Variants in MARCO observed in about 807,000 individuals in gnomAD.
MARCO encodes the protein macrophage receptor MARCO.
A neutral mutation model predicts 70.0 loss-of-function variants in MARCO; 72 were observed. That is an observed-to-expected ratio of 1.03 (90% CI 0.85 to 1.25). MARCO has a LOEUF of 1.25. Ranked by LOEUF, MARCO falls within the 50% of genes most tolerant of loss-of-function variation. The probability of loss-of-function intolerance (pLI) is 0.00; values close to 1 mark genes in which losing one functional copy is unlikely to be tolerated. For synonymous variants in MARCO, 273 were observed against 243.1 expected (o/e 1.12, Z -1.14); for missense variants, 696 against 659.3 (o/e 1.06, Z -0.61).
At chr2:118,992,504 G>A in intron 15 of MARCO, 28 bp downstream of exon 15, 1 of 1,579,166 alleles carries the variant, frequency 6.3e-7, no homozygotes, top group Non-Finnish European at 8.7e-7. Context: ...TATCTTTAAT[G>A]TGTGCTTTAA....
At chr2:118,981,772 G>C in intron 10 of MARCO, 116 bp downstream of exon 10, 4 of 1,121,188 alleles carry the variant, frequency 3.6e-6, no homozygotes, top group Non-Finnish European at 5.3e-6. Flanking sequence ...CAGAACACCT[G>C]GGGTTTTTTA....
intron 1 of MARCO, among the ~76,000 whole-genome samples, chr2:118,965,744 T>A (rs1258138546): frequency 1.3e-5 from 2 of 152,232 alleles, no homozygotes; most frequent in Non-Finnish European, 2.9e-5. Context: ...CCTACTTGTG[T>A]GGGCTATGGT....
chr2:118,991,667 G>A (rs1680623296), intron 13 of MARCO, 110 bp from the exon 14 acceptor site: 1 of 612,412 alleles, frequency 1.6e-6, no homozygotes, highest in African/African-American at 1.9e-5. Flanking sequence ...CCCAGCCATG[G>A]GGGAGGTCTG....
At chr2:118,942,727 T>A (rs114358741) in intron 1 of MARCO, among the ~76,000 whole-genome samples, 2 of 152,172 alleles carry the variant, frequency 1.3e-5, no homozygotes, top group Admixed American at 6.5e-5. Context: ...GGTTGGGTGA[T>A]ACAATGAAAA....
intron 1 of MARCO, among the ~76,000 whole-genome samples, chr2:118,946,479 C>T (rs898069873): frequency 6.6e-6 from 1 of 152,028 alleles, no homozygotes; most frequent in Non-Finnish European, 1.5e-5. Flanking sequence ...TCCTTTGAAA[C>T]CCATCCAAGT....
chr2:118,990,718 A>G (rs753415056), intron 13 of MARCO, 85 bp downstream of exon 13: 2 of 1,338,078 alleles, frequency 1.5e-6, no homozygotes, highest in South Asian at 1.2e-5. Context: ...TTGACATTGA[A>G]TGCACAGCTG....
chr2:118,977,417 C>T, intron 6 of MARCO, 54 bp from the exon 7 acceptor site: 1 of 1,414,298 alleles, frequency 7.1e-7, no homozygotes, highest in Middle Eastern at 1.8e-4. Context: ...TGATTAAAGA[C>T]ATTTTAGACA....
rs1680067784 is a variant in MARCO at position 118,967,177 on chromosome 2, G to A, written c.98-1983G>A. ...AAACAGAGTGATGTGGGAGAGCCAA[G>A]GGGGGTTCCACCCAGCCCAGAGGAA... On this transcript the variant is annotated intron_variant, in intron 1 of 16. Transcript: ENST00000327097. Among the ~76,000 whole-genome samples the A allele has an allele frequency of 2.0e-5, 3 of 152,264 alleles. No homozygotes were observed. In the South Asian group the frequency reaches 6.2e-4, roughly 32 times the overall value.
intron 6 of MARCO, 33 bp downstream of exon 6, chr2:118,974,598 C>G (rs371901066): frequency 3.1e-5 from 49 of 1,602,178 alleles, no homozygotes; most frequent in Non-Finnish European, 3.8e-5. Flanking sequence ...CCCAGAAATA[C>G]ACAGCAAGTT....
intron 1 of MARCO, among the ~76,000 whole-genome samples, chr2:118,967,118 C>T (rs1009933972): frequency 2.6e-5 from 4 of 152,208 alleles, no homozygotes; most frequent in Non-Finnish European, 5.9e-5. Flanking sequence ...GAGACAAAAA[C>T]ACAATCCAGG....
chr2:118,964,044 G>A (rs1055001486), intron 1 of MARCO, among the ~76,000 whole-genome samples: 1 of 151,994 alleles, frequency 6.6e-6, no homozygotes, highest in Non-Finnish European at 1.5e-5. Flanking sequence ...TCTACTTATT[G>A]CAATATACAT....
chr2:118,971,630 C>A, intron 4 of MARCO, 96 bp downstream of exon 4: 1 of 1,197,702 alleles, frequency 8.3e-7, no homozygotes, highest in Non-Finnish European at 1.2e-6. Flanking sequence ...GGACAGCTGA[C>A]CCTAGCTTAC....
rs180941755 is a variant in MARCO, at chr2:118,982,525, G to T, written c.1063+115G>T. ...GAGGCAGAGGGTCTTCTGTGCCTTG[G>T]CCTCTGAGGTTCCTGGTTATGGGGG... On this transcript the variant is annotated intron_variant, in intron 12 of 16. Coordinates refer to ENST00000327097, the MANE Select transcript of MARCO (RefSeq NM_006770.4). 4.9e-6 allele frequency: 5 copies of T among 1,010,390 alleles called. No individual in the cohort carries two copies. The Admixed American group carries it at 9.2e-5, about 19-fold the overall frequency. 62.6% of individuals were successfully genotyped at this position (1,010,390 alleles called of 1,614,324 possible).
At chr2:118,968,613 C>G (rs908990875) in intron 1 of MARCO, among the ~76,000 whole-genome samples, 23 of 152,078 alleles carry the variant, frequency 1.5e-4, no homozygotes, top group African/African-American at 5.6e-4. Flanking sequence ...TTGTCATGCC[C>G]TGTACATTAT....
At chr2:118,977,777 T>A (rs771012595) in intron 7 of MARCO, 51 bp from the exon 8 acceptor site, 12 of 1,416,526 alleles carry the variant, frequency 8.5e-6, no homozygotes, top group Non-Finnish European at 1.2e-5. Context: ...TCTGGTAGCC[T>A]GTCCCCAAAA....
intron 12 of MARCO, among the ~76,000 whole-genome samples, chr2:118,988,855 G>A (rs1680563447): frequency 6.6e-6 from 1 of 152,136 alleles, no homozygotes; most frequent in South Asian, 2.1e-4. Context: ...CTCCCCACCT[G>A]GAGGGGACAC....
At chr2:118,980,853 G>A (rs1680375187) in intron 8 of MARCO, among the ~76,000 whole-genome samples, 1 of 152,192 alleles carries the variant, frequency 6.6e-6, no homozygotes, top group Non-Finnish European at 1.5e-5. Context: ...CAAGAGAGGA[G>A]GGAGCGACAG....
chr2:118,947,677 T>A (rs917635101), intron 1 of MARCO, among the ~76,000 whole-genome samples: 1 of 152,220 alleles, frequency 6.6e-6, no homozygotes, highest in Non-Finnish European at 1.5e-5. Flanking sequence ...CATTCTTTAT[T>A]CTATTCCAGT....
In MARCO at chr2:118,981,407, A is replaced by G. The variant is rs1680386034; in HGVS notation, c.767-2A>G. On this transcript the variant is annotated splice_acceptor_variant, in intron 8 of 16. Coordinates refer to ENST00000327097, the MANE Select transcript of MARCO (RefSeq NM_006770.4). LOFTEE classifies it high-confidence loss of function. ...ACTAACCAAGACTTTTTGGTTTTTC[A>G]GGAAGCAAAGGGGACAGGGGCATGA... 6.3e-7 allele frequency: 1 copy of G among 1,598,178 alleles called. No individual in the cohort carries two copies. The highest frequency in any genetic ancestry group is 1.1e-5 in the South Asian group (1 of 87,878).
Sources: gnomAD v4.1 joint callset for allele counts (sites outside exome capture counted in the v4.1 genomes callset) on GRCh38, gnomAD v4.1.1 for gene constraint, MANE v1.5 for transcripts, NCBI Gene and HGNC (gene_info 2026-07-23, HGNC 2026-07-21) for gene names.